DOCK3: variants seen among roughly 807,000 people sequenced by gnomAD.
The protein encoded by DOCK3 is dedicator of cytokinesis 3, also known as dedicator of cytokinesis protein 3.
DOCK3 carries 60 observed loss-of-function variants against 265.6 expected under a neutral mutation model. That is an observed-to-expected ratio of 0.23 (90% confidence interval 0.18 to 0.28). DOCK3 has a LOEUF of 0.28. Ranked by LOEUF, DOCK3 falls within the 10% of genes least tolerant of loss-of-function variation. The pLI, the probability that DOCK3 is intolerant of heterozygous loss-of-function variation, is 1.00. For missense variants in DOCK3, 1,981 were observed against 2,594.3 expected, an observed-to-expected ratio of 0.76 and a Z score of 5.14; for synonymous variants, 881 against 938.0, an observed-to-expected ratio of 0.94 and a Z score of 1.11.
At chr3:51,334,823 C>G (rs1170898095) in intron 35 of DOCK3, among the ~76,000 whole-genome samples, 2 of 152,214 alleles carry the variant, frequency 1.3e-5, no homozygotes, top group African/African-American at 4.8e-5. Flanking sequence ...AGGCCTTATT[C>G]TAGCCGCCTG....
At chr3:51,264,323 G>A (rs1026294042) in intron 23 of DOCK3, among the ~76,000 whole-genome samples, 5 of 152,052 alleles carry the variant, frequency 3.3e-5, no homozygotes, top group Non-Finnish European at 7.4e-5. Context: ...GGTACATAAC[G>A]AAATTAAGGC....
chr3:50,718,636 T>C (rs1178685815), intron 1 of DOCK3, among the ~76,000 whole-genome samples: 2 of 152,200 alleles, frequency 1.3e-5, no homozygotes, highest in East Asian at 1.9e-4. Context: ...TATATCTCTG[T>C]AATTATATTT....
rs1176556699 is a variant in DOCK3, at chr3:51,361,793, G to A, written c.5007-66G>A. On this transcript the variant is annotated intron_variant, in intron 47 of 52. Transcript: ENST00000266037. The surrounding 1 kb of genome is among the most constrained non-coding windows in gnomAD (Gnocchi z 4.2). ...CAGGGATGACTATTCCACACATTCC[G>A]CTCTACTGTCCCCCTGCCACCTGCC... The A allele has an allele frequency of 9.0e-6, 14 of 1,561,948 alleles. No individual in the cohort carries two copies. The South Asian group carries it at 9.9e-5, about 11-fold the overall frequency.
chr3:50,770,040 T>C (rs1405158721), intron 1 of DOCK3, among the ~76,000 whole-genome samples: 1 of 152,064 alleles, frequency 6.6e-6, no homozygotes, highest in Non-Finnish European at 1.5e-5. Context: ...CTCTAAGATC[T>C]GGAACAGGAC....
intron 7 of DOCK3, among the ~76,000 whole-genome samples, chr3:51,079,265 G>T (rs756935565): frequency 9.9e-5 from 15 of 152,106 alleles, no homozygotes. Context: ...AATGTTGAAT[G>T]ATAATGATTG....
chr3:51,137,551 A>C (rs2084861849), intron 9 of DOCK3, among the ~76,000 whole-genome samples: 1 of 152,214 alleles, frequency 6.6e-6, no homozygotes, highest in Non-Finnish European at 1.5e-5. Flanking sequence ...GAAGGGATGC[A>C]TGAATTGCCA....
intron 5 of DOCK3, among the ~76,000 whole-genome samples, chr3:50,961,939 T>C (rs2076899746): frequency 6.6e-6 from 1 of 152,210 alleles, no homozygotes; most frequent in South Asian, 2.1e-4. Context: ...TGCATAATCT[T>C]GTTTAGTTCG....
intron 5 of DOCK3, among the ~76,000 whole-genome samples, chr3:50,945,174 A>G (rs1026496473): frequency 2.0e-5 from 3 of 152,190 alleles, no homozygotes; most frequent in Admixed American, 1.3e-4. Flanking sequence ...CCTCAAGTAT[A>G]CAACTGAAGC....
chr3:50,762,567 T>C (rs1222497147), intron 1 of DOCK3, among the ~76,000 whole-genome samples: 1 of 152,198 alleles, frequency 6.6e-6, no homozygotes, highest in Admixed American at 6.5e-5. Context: ...TTAACCAATA[T>C]TCCTACTAAA....
rs750726901 is a variant in DOCK3 at position 51,354,989 on chromosome 3, T to C, written c.4215T>C (p.His1405=). 6.8e-6 allele frequency: 11 copies of C among 1,613,726 alleles called. No individual in the cohort carries two copies. The African/African-American group carries it at 1.5e-4, about 22-fold the overall frequency. The change falls in exon 41 of 53, where the codon CAT becomes CAC. Residue 1405 remains histidine (H), a synonymous_variant. Transcript: ENST00000266037. ...CTGTCGCCATGCAGCACCCCAACCA[T>C]CCTGATGACGCCATCCTACAGTGCG... is the stretch of plus-strand genomic sequence containing the variant. ...PQAVAMQHPN[H]PDDAILQCDA...
At chr3:50,854,591 A>ATTTTTTTT (rs1559726991) in intron 3 of DOCK3, among the ~76,000 whole-genome samples, 43 of 4,326 alleles carry the variant, frequency 9.9e-3, no homozygotes, top group African/African-American at 0.018. Context: ...CCATCACACC[A>ATTTTTTTT]GTTTTTTTTT....
At chr3:51,096,078 T>C (rs1285910034) in intron 9 of DOCK3, among the ~76,000 whole-genome samples, 3 of 152,154 alleles carry the variant, frequency 2.0e-5, no homozygotes, top group African/African-American at 4.8e-5. Context: ...TTGGTGAATC[T>C]GACGATTATG....
At chr3:51,075,474 C>T in intron 7 of DOCK3, 34 bp downstream of exon 7, 1 of 1,481,410 alleles carries the variant, frequency 6.8e-7, no homozygotes, top group South Asian at 1.3e-5. Context: ...CTTGTTCCTG[C>T]ATACCTCATT....
chr3:51,148,800 G>T (rs1014455332), intron 10 of DOCK3, among the ~76,000 whole-genome samples: 2 of 151,896 alleles, frequency 1.3e-5, no homozygotes, highest in Admixed American at 6.6e-5. Context: ...TTGTTCTTTT[G>T]GCTTAGGATT....
intron 5 of DOCK3, among the ~76,000 whole-genome samples, chr3:50,970,935 ATATATATATATAATGTG>A (rs1559878674): frequency 2.5e-4 from 18 of 73,108 alleles, no homozygotes; most frequent in Admixed American, 3.3e-4. Context: ...ATATATATAT[ATATATATATATAATGTG>A]TGTGTGTGTG....
At chr3:50,868,374 C>T (rs1021231819) in intron 3 of DOCK3, among the ~76,000 whole-genome samples, 2 of 151,842 alleles carry the variant, frequency 1.3e-5, no homozygotes, top group African/African-American at 4.8e-5. Flanking sequence ...GCCCGGCCTG[C>T]TTTTGTTTTT....
intron 4 of DOCK3, among the ~76,000 whole-genome samples, chr3:50,919,186 G>C (rs1209353533): frequency 6.6e-6 from 1 of 152,180 alleles, no homozygotes; most frequent in Non-Finnish European, 1.5e-5. Context: ...TTTGAAGTCA[G>C]GTAGTGTGAT....
intron 3 of DOCK3, among the ~76,000 whole-genome samples, chr3:50,863,969 A>G (rs2047028571): frequency 6.6e-6 from 1 of 152,184 alleles, no homozygotes; most frequent in Non-Finnish European, 1.5e-5. Flanking sequence ...TTCTTTGGAT[A>G]TGTACCAAGC....
At chr3:51,282,594 G>A (rs926256300) in intron 27 of DOCK3, among the ~76,000 whole-genome samples, 14 of 150,802 alleles carry the variant, frequency 9.3e-5, no homozygotes, top group Non-Finnish European at 7.4e-5. Flanking sequence ...TGGAGGTTGC[G>A]GTGAGCCAAG....
Sources: allele counts gnomAD v4.1 joint callset (sites outside exome capture counted in the v4.1 genomes callset), GRCh38; gene constraint gnomAD v4.1.1; non-coding constraint Gnocchi (gnomAD v3.1); transcripts MANE v1.5; gene names NCBI Gene and HGNC (gene_info 2026-07-23, HGNC 2026-07-21).